Variants in ATP13A4 observed in about 807,000 individuals in gnomAD.
The protein encoded by ATP13A4 is probable cation-transporting ATPase 13A4.
Under a neutral mutation model 142.5 loss-of-function variants are expected in ATP13A4, and 114 were observed. That is an observed-to-expected ratio of 0.80 (90% CI 0.69 to 0.93). The LOEUF is 0.93. Ranked by LOEUF, ATP13A4 falls within the 40% of genes least tolerant of loss-of-function variation. The pLI, the probability that ATP13A4 is intolerant of heterozygous loss-of-function variation, is 0.00. For synonymous variants in ATP13A4, 488 were observed against 514.8 expected, an observed-to-expected ratio of 0.95 and a Z score of 0.70; for missense variants, 1,392 against 1,454.0, an observed-to-expected ratio of 0.96 and a Z score of 0.69.
rs144720983 is a variant in ATP13A4, at chr3:193,526,832, A to G, written c.61-11961T>C. Among the ~76,000 whole-genome samples, 52 of 152,254 alleles carry G rather than the reference A, an allele frequency of 3.4e-4. 1 individual carries two copies. Among genetic ancestry groups the G allele is most frequent in the African/African-American group, 1.2e-3 (50 of 41,550 alleles). ...TTTAGTTAGAGAGGGCTCCAGGGGAACCTCTGGAATGCTAGCAGTGTTCTG... is the reference window on the plus strand; with the variant it reads ...TTTAGTTAGAGAGGGCTCCAGGGGAGCCTCTGGAATGCTAGCAGTGTTCTG... On this transcript the variant is annotated intron_variant, in intron 1 of 29. Coordinates refer to ENST00000342695, the MANE Select transcript of ATP13A4 (RefSeq NM_032279.4).
chr3:193,485,861 G>C (rs908848202), intron 7 of ATP13A4, among the ~76,000 whole-genome samples: 1 of 151,102 alleles, frequency 6.6e-6, no homozygotes, highest in Non-Finnish European at 1.5e-5. Flanking sequence ...GAATCTGCTG[G>C]TGTCTTGATC....
In ATP13A4 at chr3:193,516,486, G is replaced by C. The variant is rs79139336; in HGVS notation, c.61-1615C>G. On this transcript the variant is annotated intron_variant, in intron 1 of 29. Transcript: ENST00000342695. ...CATTGCTCTCCAGATGCCAAGCCTA[G>C]AATGGCTCTGTCCCCTCAACACACT... Among the ~76,000 whole-genome samples, 512 of 152,288 alleles carry C rather than the reference G, an allele frequency of 3.4e-3. 3 individuals carry two copies. The highest frequency in any genetic ancestry group is 5.7e-3 in the Non-Finnish European group (385 of 68,028).
At chr3:193,576,667 T>C (rs955274327) in intron 2 of ATP13A4, among the ~76,000 whole-genome samples, 2 of 152,204 alleles carry the variant, frequency 1.3e-5, no homozygotes, top group Non-Finnish European at 2.9e-5. Context: ...TTAAAGTTCT[T>C]AATTGCAAGT....
At chr3:193,515,679 T>C (rs1721372056) in intron 1 of ATP13A4, among the ~76,000 whole-genome samples, 1 of 152,150 alleles carries the variant, frequency 6.6e-6, no homozygotes, top group Non-Finnish European at 1.5e-5. Context: ...TCACCTCTAA[T>C]AAATATATAA....
At chr3:193,440,399 T>C (rs1025879688) in intron 21 of ATP13A4, 159 bp downstream of exon 21, 5 of 1,345,490 alleles carry the variant, frequency 3.7e-6, no homozygotes, top group Non-Finnish European at 4.1e-6. Context: ...GATCCCTTGG[T>C]ACTGCTATTT....
At chr3:193,561,238 G>A (rs1044520487) in intron 2 of ATP13A4, among the ~76,000 whole-genome samples, 1 of 152,216 alleles carries the variant, frequency 6.6e-6, no homozygotes, top group African/African-American at 2.4e-5. Context: ...AGAGAGCAAC[G>A]CTGGGCTGGA....
At chr3:193,457,749 C>G (rs1028937746) in intron 14 of ATP13A4, among the ~76,000 whole-genome samples, 4 of 152,198 alleles carry the variant, frequency 2.6e-5, no homozygotes, top group African/African-American at 7.2e-5. Context: ...TTCTGAAGAG[C>G]CTAGCTTGAA....
rs1687479647 is a variant in ATP13A4 at position 193,407,339 on chromosome 3, T to C, written c.3352A>G (p.Asn1118Asp). 1 of 1,613,410 alleles carries C rather than the reference T, an allele frequency of 6.2e-7. No individual in the cohort carries two copies. The highest frequency in any genetic ancestry group is 1.3e-5 in the African/African-American group (1 of 74,984). The change falls in exon 29 of 30, where the codon AAT becomes GAT. Residue 1118 changes from asparagine to aspartate, a missense_variant. Asn to Asp is a conservative substitution (Grantham distance 23). Transcript: ENST00000342695. ...TCGGCCACAAGGGACACAATGAAAT[T>C]CAAGCTGAGCATGATGACAATGGAG... ...RASIVIMLSL[N>D]FIVSLVAEEA... is the part of the protein sequence containing the mutation.
At chr3:193,437,936 A>T (rs544589025) in intron 23 of ATP13A4, among the ~76,000 whole-genome samples, 7 of 145,340 alleles carry the variant, frequency 4.8e-5, no homozygotes, top group African/African-American at 1.8e-4. Context: ...GGTTCACACC[A>T]TTCTCCTGCC....
At chr3:193,578,401 C>T (rs1724457058) in intron 2 of ATP13A4, among the ~76,000 whole-genome samples, 1 of 151,936 alleles carries the variant, frequency 6.6e-6, no homozygotes, top group Non-Finnish European at 1.5e-5. Flanking sequence ...TACACCTTCA[C>T]TTAGTTGGTT....
intron 2 of ATP13A4, among the ~76,000 whole-genome samples, chr3:193,506,209 C>T (rs1417542986): frequency 6.6e-6 from 1 of 152,154 alleles, no homozygotes; most frequent in African/African-American, 2.4e-5. Context: ...CAGCTCTCTT[C>T]AAAGCAGGTA....
intron 8 of ATP13A4, among the ~76,000 whole-genome samples, chr3:193,476,901 T>A (rs1718996507): frequency 6.6e-6 from 1 of 152,040 alleles, no homozygotes; most frequent in Non-Finnish European, 1.5e-5. Flanking sequence ...ATATCACTGA[T>A]CACAGATTGC....
Position 193,399,187 on chromosome 3 carries a change from G to A in ATP13A4, c.*3465C>T, listed in dbSNP as rs550839688. On this transcript the variant is annotated 3_prime_UTR_variant, in exon 30 of 30. Coordinates refer to ENST00000342695, the MANE Select transcript of ATP13A4 (RefSeq NM_032279.4). ...CCTTGAGATGAACATACAGGGCACC[G>A]TCTCAAATGATTTGGACTATGTGAC... Among the ~76,000 whole-genome samples the A allele has an allele frequency of 1.3e-4, 20 of 152,262 alleles. No individual in the cohort carries two copies. Among genetic ancestry groups the A allele is most frequent in the African/African-American group, 3.8e-4 (16 of 41,566 alleles).
chr3:193,478,080 T>C (rs1039961694), intron 8 of ATP13A4, among the ~76,000 whole-genome samples: 7 of 152,012 alleles, frequency 4.6e-5, no homozygotes, highest in Non-Finnish European at 8.8e-5. Context: ...GATTGAAATA[T>C]GTTACTAAGT....
chr3:193,420,695 A>G (rs1210946661), intron 25 of ATP13A4, among the ~76,000 whole-genome samples: 1 of 149,748 alleles, frequency 6.7e-6, no homozygotes, highest in East Asian at 2.1e-4. Context: ...TGAGAAACTT[A>G]ACAAAGAGAT....
intron 1 of ATP13A4, among the ~76,000 whole-genome samples, chr3:193,592,817 G>C (rs567359793): frequency 6.6e-6 from 1 of 152,334 alleles, no homozygotes; most frequent in Admixed American, 6.5e-5. Context: ...CAAGAAAGAA[G>C]GTAGGCAAAT....
At chr3:193,485,647 G>A (rs1719569087) in intron 7 of ATP13A4, among the ~76,000 whole-genome samples, 1 of 152,168 alleles carries the variant, frequency 6.6e-6, no homozygotes, top group Non-Finnish European at 1.5e-5. Context: ...CAGTCTGAAT[G>A]TGACCCAAAA....
intron 3 of ATP13A4, among the ~76,000 whole-genome samples, chr3:193,493,710 A>T (rs891658272): frequency 6.6e-6 from 1 of 152,094 alleles, no homozygotes; most frequent in Non-Finnish European, 1.5e-5. Context: ...CTGTTTGTAG[A>T]ATGAAGAATG....
intron 2 of ATP13A4, among the ~76,000 whole-genome samples, chr3:193,570,865 A>C (rs1409913292): frequency 3.3e-5 from 5 of 152,228 alleles, no homozygotes; most frequent in Non-Finnish European, 5.9e-5. Context: ...ATATTAAATG[A>C]GATGACATAT....
Sources: gnomAD v4.1 joint callset for allele counts (sites outside exome capture counted in the v4.1 genomes callset) on GRCh38, gnomAD v4.1.1 for gene constraint, MANE v1.5 for transcripts, NCBI Gene and HGNC (gene_info 2026-07-23, HGNC 2026-07-21) for gene names.